Variants in DNM3 observed in about 807,000 individuals in gnomAD.
DNM3 encodes dynamin 3, also known as dynamin-3.
DNM3 carries 47 observed loss-of-function variants against 101.6 expected under a neutral mutation model. That is an observed-to-expected ratio of 0.46 (90% CI 0.37 to 0.59). DNM3 has a LOEUF of 0.59. DNM3 is among the 20% of genes least tolerant of loss of function. The pLI, the probability that DNM3 is intolerant of heterozygous loss-of-function variation, is 0.00. For synonymous variants in DNM3, 385 were observed against 387.9 expected, an observed-to-expected ratio of 0.99 and a Z score of 0.09; for missense variants, 849 against 1,085.7, an observed-to-expected ratio of 0.78 and a Z score of 3.06.
chr1:172,244,548 A>G lies in DNM3; in HGVS notation c.1660-9025A>G, dbSNP rs2061875412. Reference sequence around the variant, plus strand: ...CCCCATCAAAAAGTGGGCAAAGGACATGAACAGACACTTCTCAAAAGAAGA... The same window carrying G: ...CCCCATCAAAAAGTGGGCAAAGGACGTGAACAGACACTTCTCAAAAGAAGA... On this transcript the variant is annotated intron_variant, in intron 14 of 20. Coordinates refer to ENST00000627582, the MANE Select transcript of DNM3 (RefSeq NM_015569.5). 4.6e-5 allele frequency among the ~76,000 whole-genome samples: 7 copies of G among 152,114 alleles called. No homozygotes were observed. In the South Asian group the frequency reaches 1.5e-3, roughly 32 times the overall value.
chr1:172,185,148 C>CT (rs2148411235), intron 14 of DNM3, among the ~76,000 whole-genome samples: 1 of 152,164 alleles, frequency 6.6e-6, no homozygotes, highest in Non-Finnish European at 1.5e-5. Context: ...ACTCTGGGTA[C>CT]TAAAGCTAAG....
chr1:172,110,504 G>A (rs1156651566), intron 13 of DNM3, among the ~76,000 whole-genome samples: 1 of 152,092 alleles, frequency 6.6e-6, no homozygotes, highest in African/African-American at 2.4e-5. Flanking sequence ...TTGAATGAAA[G>A]AATTAAATAT....
chr1:172,247,330 T>C (rs982908842), intron 14 of DNM3, among the ~76,000 whole-genome samples: 1 of 152,016 alleles, frequency 6.6e-6, no homozygotes, highest in Non-Finnish European at 1.5e-5. Flanking sequence ...AATACAATAA[T>C]AGAGAACACA....
At position 172,411,056 on chromosome 1, in the gene DNM3, C is replaced by T; in HGVS notation, c.*3215C>T. ...AAAATACTAGTTAAAATGCCACAAG[C>T]ATGAGTGTGATTGTATGTGCACTGT... On this transcript the variant is annotated 3_prime_UTR_variant, in exon 21 of 21. Coordinates refer to ENST00000627582, the MANE Select transcript of DNM3 (RefSeq NM_015569.5). 1.0e-6 allele frequency: 1 copy of T among 985,052 alleles called. No individual in the cohort carries two copies. Among genetic ancestry groups the T allele is most frequent in the Non-Finnish European group, 1.2e-6 (1 of 829,730 alleles). The allele number at this position is 985,052 out of a possible 1,614,324, so 61.0% of individuals were successfully genotyped here. A position where few individuals can be genotyped will look rare whatever the true frequency, so the allele number is the denominator to read the frequency against.
intron 15 of DNM3, among the ~76,000 whole-genome samples, chr1:172,286,570 A>G (rs1421245550): frequency 6.6e-6 from 1 of 152,218 alleles, no homozygotes; most frequent in Admixed American, 6.5e-5. Context: ...CTAAAATAAA[A>G]TAAATTCACA....
intron 17 of DNM3, among the ~76,000 whole-genome samples, chr1:172,371,424 G>A (rs1310657869): frequency 1.3e-5 from 2 of 151,928 alleles, no homozygotes; most frequent in African/African-American, 4.8e-5. Flanking sequence ...TTTAATTCAA[G>A]CTCGTATATA....
intron 1 of DNM3, among the ~76,000 whole-genome samples, chr1:171,864,845 A>G (rs988192570): frequency 6.6e-6 from 1 of 151,808 alleles, no homozygotes; most frequent in Non-Finnish European, 1.5e-5. Flanking sequence ...AAAATTTTCT[A>G]ATTCTTGCTT....
intron 18 of DNM3, chr1:172,380,859 T>TCATTAGTGCTGC (rs2068855623): frequency 6.7e-6 from 1 of 148,768 alleles, no homozygotes. Flanking sequence ...TCACCGAGAG[T>TCATTAGTGCTGC]CATTAGTGCT....
chr1:171,844,409 GCTT>G lies in DNM3; in HGVS notation c.161+2598_161+2600del, dbSNP rs1189890034. Among the ~76,000 whole-genome samples, 4 of 152,298 alleles carry G rather than the reference GCTT, an allele frequency of 2.6e-5. No individual in the cohort carries two copies. In the East Asian group the frequency reaches 5.8e-4, roughly 22 times the overall value. ...TTCATTGTGTTTGCTCTTGACTCAA[GCTT>G]CTTCTCTACAAAATAATGATGCATT... On this transcript the variant is annotated intron_variant, in intron 1 of 20. Coordinates refer to ENST00000627582, the MANE Select transcript of DNM3 (RefSeq NM_015569.5).
intron 6 of DNM3, 143 bp downstream of exon 6, chr1:172,033,408 T>G: frequency 1.1e-6 from 1 of 932,490 alleles, no homozygotes; most frequent in Non-Finnish European, 1.6e-6. Flanking sequence ...AAATGAATAT[T>G]AGTACCTCAG....
chr1:172,245,943 G>A (rs981471765), intron 14 of DNM3, among the ~76,000 whole-genome samples: 1 of 152,324 alleles, frequency 6.6e-6, no homozygotes, highest in African/African-American at 2.4e-5. Context: ...CAGTTCTGCA[G>A]GCTGAACAGG....
intron 4 of DNM3, among the ~76,000 whole-genome samples, chr1:171,996,723 T>C (rs1328995472): frequency 6.6e-6 from 1 of 152,100 alleles, no homozygotes; most frequent in Non-Finnish European, 1.5e-5. Flanking sequence ...ATAATTAAGA[T>C]AAATTATTAT....
At chr1:171,856,046 T>A (rs1331562293) in intron 1 of DNM3, among the ~76,000 whole-genome samples, 3 of 152,176 alleles carry the variant, frequency 2.0e-5, no homozygotes, top group African/African-American at 7.2e-5. Flanking sequence ...TTTTTATATA[T>A]GGTGTAAGGA....
At chr1:171,970,641 G>A (rs1393668545) in intron 2 of DNM3, among the ~76,000 whole-genome samples, 1 of 117,106 alleles carries the variant, frequency 8.5e-6, no homozygotes, top group South Asian at 2.8e-4. Flanking sequence ...TCCATCTTAT[G>A]TAAGCGCTGT....
intron 1 of DNM3, among the ~76,000 whole-genome samples, chr1:171,871,766 T>A (rs1315585118): frequency 6.6e-6 from 1 of 152,174 alleles, no homozygotes; most frequent in Non-Finnish European, 1.5e-5. Flanking sequence ...TGTTAGATTC[T>A]GTGGGTTTAA....
intron 14 of DNM3, among the ~76,000 whole-genome samples, chr1:172,191,842 CTTGTGG>C (rs2059736293): frequency 6.6e-6 from 1 of 152,112 alleles, no homozygotes; most frequent in African/African-American, 2.4e-5. Context: ...TATAGGAATG[CTTGTGG>C]TTTTTGCACG....
rs763604485 is a variant in DNM3 at position 171,841,832 on chromosome 1, C to A, written c.161+15C>A. ...TTCGTGGGCAGGTAAGCGCGCAGGG[C>A]GCGGAGTAAGGATGCGGCAGTGGGG... On this transcript the variant is annotated intron_variant, in intron 1 of 20. Coordinates refer to ENST00000627582, the MANE Select transcript of DNM3 (RefSeq NM_015569.5). 6.2e-7 allele frequency: 1 copy of A among 1,601,602 alleles called. No homozygotes were observed. The highest frequency in any genetic ancestry group is 8.5e-7 in the Non-Finnish European group (1 of 1,176,832).
At chr1:172,083,858 A>G (rs918838029) in intron 12 of DNM3, among the ~76,000 whole-genome samples, 3 of 152,022 alleles carry the variant, frequency 2.0e-5, no homozygotes, top group African/African-American at 7.2e-5. Flanking sequence ...TTCAAACACA[A>G]TCTTTTGACG....
chr1:172,398,724 A>G (rs1048184141), intron 20 of DNM3, among the ~76,000 whole-genome samples: 1 of 152,328 alleles, frequency 6.6e-6, no homozygotes, highest in African/African-American at 2.4e-5. Context: ...CAATTTCTCC[A>G]GGATGATGGT....
Sources: allele counts gnomAD v4.1 joint callset (sites outside exome capture counted in the v4.1 genomes callset), GRCh38; gene constraint gnomAD v4.1.1; transcripts MANE v1.5; gene names NCBI Gene and HGNC (gene_info 2026-07-23, HGNC 2026-07-21).